ABCB5: variants seen among roughly 807,000 people sequenced by gnomAD.
The protein encoded by ABCB5 is ATP-binding cassette sub-family B member 5.
ABCB5 carries 155 observed loss-of-function variants against 144.2 expected under a neutral mutation model. That is an observed-to-expected ratio of 1.08 (90% CI 0.94 to 1.23). The LOEUF is 1.23. ABCB5 is among the 50% of genes most tolerant of loss of function. The pLI is 0.00. For synonymous variants in ABCB5, 610 were observed against 528.6 expected (o/e 1.15, Z -2.11); for missense variants, 1,830 against 1,520.8 (o/e 1.20, Z -3.38).
chr7:20,704,842 T>C, intron 20 of ABCB5, 35 bp downstream of exon 20: 1 of 1,538,552 alleles, frequency 6.5e-7, no homozygotes, highest in Non-Finnish European at 9.0e-7. Context: ...ATGATGTATG[T>C]ATGTGGTGTG....
chr7:20,722,952 A>G (rs1255145222), intron 20 of ABCB5, 64 bp from the exon 21 acceptor site: 29 of 1,451,360 alleles, frequency 2.0e-5, no homozygotes, highest in Non-Finnish European at 2.8e-5. Context: ...AAGGAACTAT[A>G]ATAGGAACTC....
chr7:20,699,785 T>A, intron 17 of ABCB5, 40 bp from the exon 18 acceptor site: 2 of 1,363,730 alleles, frequency 1.5e-6, no homozygotes, highest in Non-Finnish European at 2.0e-6. Context: ...TTCTTTTATA[T>A]TTTCCCCCAA....
rs564127750 is a variant in ABCB5, at chr7:20,632,437, A to G, written c.314+324A>G. Among the ~76,000 whole-genome samples, 264 of 152,252 alleles carry G rather than the reference A, an allele frequency of 1.7e-3. 1 individual carries two copies. Among genetic ancestry groups the G allele is most frequent in the African/African-American group, 6.0e-3 (249 of 41,554 alleles). ...AAGAAAGGACTTGATTTTCCTTCTA[A>G]AAAATTATATTTCTTATGAGCCTCA... On this transcript the variant is annotated intron_variant, in intron 5 of 27. Coordinates refer to ENST00000404938, the MANE Select transcript of ABCB5 (RefSeq NM_001163941.2).
chr7:20,624,396 T>C (rs1481013302), intron 2 of ABCB5, among the ~76,000 whole-genome samples: 2 of 152,288 alleles, frequency 1.3e-5, no homozygotes, highest in South Asian at 2.1e-4. Context: ...AATAATACAC[T>C]ACAGACCTCA....
At chr7:20,744,083 G>C (rs1009922177) in intron 25 of ABCB5, among the ~76,000 whole-genome samples, 1 of 151,772 alleles carries the variant, frequency 6.6e-6, no homozygotes, top group Non-Finnish European at 1.5e-5. Flanking sequence ...TTGTTTTTTT[G>C]AGACAGAGTC....
chr7:20,743,202 C>T, intron 25 of ABCB5, 128 bp downstream of exon 25: 1 of 981,326 alleles, frequency 1.0e-6, no homozygotes. Context: ...GAAAAAAAAT[C>T]TCTGTGTCAA....
intron 26 of ABCB5, among the ~76,000 whole-genome samples, chr7:20,750,460 AAAATTC>A (rs1401444457): frequency 1.3e-5 from 2 of 152,050 alleles, no homozygotes; most frequent in East Asian, 3.9e-4. Flanking sequence ...ATGTTTGATG[AAAATTC>A]ATTTGGTGGC....
chr7:20,719,617 T>C (rs996353438), intron 20 of ABCB5, among the ~76,000 whole-genome samples: 60 of 152,178 alleles, frequency 3.9e-4, no homozygotes, highest in Non-Finnish European at 7.1e-4. Flanking sequence ...GCAGCCCCGA[T>C]ATTATGACAC....
intron 14 of ABCB5, among the ~76,000 whole-genome samples, chr7:20,666,122 A>C (rs1764596489): frequency 6.6e-6 from 1 of 151,556 alleles, no homozygotes; most frequent in South Asian, 2.1e-4. Flanking sequence ...GTGAGCCGAG[A>C]GCACGCCATT....
At chr7:20,721,144 G>C (rs530847357) in intron 20 of ABCB5, among the ~76,000 whole-genome samples, 37 of 152,134 alleles carry the variant, frequency 2.4e-4, no homozygotes, top group African/African-American at 8.4e-4. Context: ...TTTGATCATG[G>C]TATTTTGGAT....
chr7:20,618,764 CTTTTTTTTTTTT>C (rs59970398), intron 1 of ABCB5, among the ~76,000 whole-genome samples: 14 of 51,544 alleles, frequency 2.7e-4, no homozygotes, highest in Non-Finnish European at 3.8e-4. Flanking sequence ...GCTGCATTTT[CTTTTTTTTTTTT>C]TTTTTTTTTT....
chr7:20,617,804 C>G (rs1182385164), intron 1 of ABCB5, among the ~76,000 whole-genome samples: 1 of 151,992 alleles, frequency 6.6e-6, no homozygotes, highest in African/African-American at 2.4e-5. Context: ...CAAAAGAGAG[C>G]TGGAATGGTT....
In ABCB5 at chr7:20,666,699, T is replaced by C. The variant is rs1785206314; in HGVS notation, c.1707+8023T>C. 16 of 1,566,340 alleles carry C rather than the reference T, an allele frequency of 1.0e-5. No homozygotes were observed. In the South Asian group the frequency reaches 1.6e-4, roughly 16 times the overall value. On this transcript the variant is annotated intron_variant, in intron 14 of 27. Coordinates refer to ENST00000404938, the MANE Select transcript of ABCB5 (RefSeq NM_001163941.2). ...CCTAATTGTTTGGCTTTTAGCTTTG[T>C]GTAATCTGTGAAGTAGGATAGGAGA...
At chr7:20,628,072 A>G (rs1437845439) in intron 3 of ABCB5, among the ~76,000 whole-genome samples, 1 of 152,158 alleles carries the variant, frequency 6.6e-6, no homozygotes, top group African/African-American at 2.4e-5. Context: ...GGTTTGTTAC[A>G]TATGTATACA....
intron 13 of ABCB5, among the ~76,000 whole-genome samples, chr7:20,653,087 C>G (rs1243241932): frequency 6.6e-6 from 1 of 152,154 alleles, no homozygotes; most frequent in Non-Finnish European, 1.5e-5. Flanking sequence ...TGTTTTGCCC[C>G]TTTCAATGAC....
At chr7:20,694,230 A>C (rs1021086652) in intron 16 of ABCB5, among the ~76,000 whole-genome samples, 4 of 152,152 alleles carry the variant, frequency 2.6e-5, no homozygotes, top group African/African-American at 7.2e-5. Flanking sequence ...ATTCTTAACA[A>C]AATGTAACAA....
Position 20,698,464 on chromosome 7 carries a change from C to T in ABCB5, c.2068C>T (p.Pro690Ser), listed in dbSNP as rs780489168. ...TTTAAAGTTAAACAAGCCTGAATGG[C>T]CTTTTGTGGTTCTGGGGACATTGGC... ...KILKLNKPEW[P>S]FVVLGTLASV... Residue 690 changes from proline to serine, a missense_variant, in exon 17 of 28, where the codon CCT (proline) becomes TCT (serine). Pro to Ser is a moderately conservative substitution (Grantham distance 74, BLOSUM62 -1). Coordinates refer to ENST00000404938, the MANE Select transcript of ABCB5 (RefSeq NM_001163941.2). 2.5e-6 allele frequency: 4 copies of T among 1,597,882 alleles called. No individual in the cohort carries two copies. The South Asian group carries it at 3.4e-5, about 14-fold the overall frequency.
intron 27 of ABCB5, among the ~76,000 whole-genome samples, chr7:20,753,934 C>T (rs1783007465): frequency 6.6e-6 from 1 of 152,198 alleles, no homozygotes; most frequent in African/African-American, 2.4e-5. Context: ...TCTACAGACT[C>T]AGCCTAGTTT....
At chr7:20,662,555 G>C (rs925840582) in intron 14 of ABCB5, among the ~76,000 whole-genome samples, 2 of 152,078 alleles carry the variant, frequency 1.3e-5, no homozygotes, top group African/African-American at 2.4e-5. Context: ...TTGGAATTTT[G>C]AAAAATCATT....
Sources: allele counts gnomAD v4.1 joint callset (sites outside exome capture counted in the v4.1 genomes callset), GRCh38; gene constraint gnomAD v4.1.1; transcripts MANE v1.5; gene names NCBI Gene and HGNC (gene_info 2026-07-23, HGNC 2026-07-21).